PID1: variants seen among roughly 807,000 people sequenced by gnomAD.
PID1 encodes phosphotyrosine interaction domain containing 1.
PID1 carries 10 observed loss-of-function variants against 19.1 expected under a neutral mutation model. The ratio of observed to expected loss-of-function variants is 0.52; its 90% CI spans 0.32 to 0.89. The LOEUF (loss-of-function observed/expected upper bound fraction) is 0.89, where lower values mean the gene tolerates loss of function less well. Among genes scored for constraint, PID1 ranks in the 40% least tolerant of loss-of-function variants. The probability of loss-of-function intolerance (pLI) is 0.03; values close to 1 mark genes in which losing one functional copy is unlikely to be tolerated. For synonymous variants in PID1, 130 were observed against 116.0 expected (o/e 1.12, Z -0.78); for missense variants, 248 against 285.3 (o/e 0.87, Z 0.94).
intron 1 of PID1, among the ~76,000 whole-genome samples, chr2:229,169,418 A>C (rs1690665834): frequency 6.6e-6 from 1 of 152,206 alleles, no homozygotes; most frequent in Admixed American, 6.5e-5. Flanking sequence ...AAACAGGCTC[A>C]GAAGGTATGG....
chr2:229,231,739 T>C (rs1250817307), intron 1 of PID1, among the ~76,000 whole-genome samples: 1 of 152,150 alleles, frequency 6.6e-6, no homozygotes, highest in Non-Finnish European at 1.5e-5. Flanking sequence ...TTCTCTCCCA[T>C]AATCAGGTTT....
intron 1 of PID1, among the ~76,000 whole-genome samples, chr2:229,186,427 T>G (rs569694740): frequency 6.6e-6 from 1 of 152,336 alleles, no homozygotes; most frequent in East Asian, 1.9e-4. Flanking sequence ...TGCACTGCCC[T>G]AGCAGAGGTT....
intron 2 of PID1, among the ~76,000 whole-genome samples, chr2:229,131,486 C>T (rs1689739262): frequency 6.6e-6 from 1 of 152,170 alleles, no homozygotes; most frequent in Non-Finnish European, 1.5e-5. Flanking sequence ...CCATCTCAGC[C>T]TCCCGAAGTG....
intron 2 of PID1, among the ~76,000 whole-genome samples, chr2:229,034,818 G>A (rs555752041): frequency 3.3e-5 from 5 of 151,588 alleles, no homozygotes; most frequent in Admixed American, 1.3e-4. Flanking sequence ...TGATTTATTG[G>A]GCAAATAAAA....
At position 229,098,991 on chromosome 2, in the gene PID1, CCAGAGCAAACAGT is replaced by C. The variant is rs1017403251; in HGVS notation, c.177+56814_177+56826del. On this transcript the variant is annotated intron_variant, in intron 2 of 2. Transcript: ENST00000392055. ...CGGTGAAGATTTTCTCTTCCTTTTG[CCAGAGCAAACAGT>C]CAGAGGATCACGCCTGGCCAAGTGC... Among the ~76,000 whole-genome samples the C allele has an allele frequency of 2.0e-5, 3 of 152,162 alleles. No homozygotes were observed. The East Asian group carries it at 5.8e-4, about 29-fold the overall frequency.
chr2:229,056,560 A>AAT (rs1371662152), intron 2 of PID1, among the ~76,000 whole-genome samples: 3 of 67,500 alleles, frequency 4.4e-5, no homozygotes, highest in Non-Finnish European at 1.2e-4. Context: ...TTCAAAAAGT[A>AAT]AAAAAACATA....
chr2:229,237,457 G>T (rs1443846865), intron 1 of PID1, among the ~76,000 whole-genome samples: 1 of 152,090 alleles, frequency 6.6e-6, no homozygotes, highest in Non-Finnish European at 1.5e-5. Context: ...TCTCTAGAGA[G>T]AACACTGTTT....
chr2:229,084,023 T>C (rs1694717266), intron 2 of PID1, among the ~76,000 whole-genome samples: 1 of 152,234 alleles, frequency 6.6e-6, no homozygotes, highest in Non-Finnish European at 1.5e-5. Context: ...AAACATTTAC[T>C]TCAGTGAATG....
At chr2:229,262,241 T>C (rs1302194070) in intron 1 of PID1, among the ~76,000 whole-genome samples, 1 of 152,168 alleles carries the variant, frequency 6.6e-6, no homozygotes, top group East Asian at 1.9e-4. Flanking sequence ...TCAAAGTAAC[T>C]GTGTTTCACA....
chr2:229,034,958 G>A (rs1031587954), intron 2 of PID1, among the ~76,000 whole-genome samples: 1 of 152,040 alleles, frequency 6.6e-6, no homozygotes, highest in African/African-American at 2.4e-5. Flanking sequence ...CCACCAGTGA[G>A]AGAATCAGCT....
chr2:229,199,802 A>G (rs899459445), intron 1 of PID1, among the ~76,000 whole-genome samples: 1 of 149,836 alleles, frequency 6.7e-6, no homozygotes, highest in African/African-American at 2.4e-5. Flanking sequence ...ATATAACCCA[A>G]TCTATCCCAA....
Position 229,261,168 on chromosome 2 carries a change from C to G in PID1, c.30+9846G>C, listed in dbSNP as rs140221181. On this transcript the variant is annotated intron_variant, in intron 1 of 2. Transcript: ENST00000392055. ...CCAGCAGCTAGGAGAAAGCCAGGAG[C>G]TGTGTCTCCCTCACAGCCCTCAGGA... Among the ~76,000 whole-genome samples the G allele has an allele frequency of 5.1e-4, 78 of 152,264 alleles. 1 individual carries two copies. In the East Asian group the frequency reaches 0.015, roughly 29 times the overall value.
intron 1 of PID1, among the ~76,000 whole-genome samples, chr2:229,239,476 G>A (rs1188653570): frequency 6.6e-6 from 1 of 152,056 alleles, no homozygotes; most frequent in Non-Finnish European, 1.5e-5. Context: ...CAACACTAAT[G>A]CGGTGGGAGC....
chr2:229,213,041 TAAAAC>T (rs145081993), intron 1 of PID1, among the ~76,000 whole-genome samples: 1,811 of 152,118 alleles, frequency 0.012, 25 homozygotes, highest in African/African-American at 0.041. Flanking sequence ...ATTCATGAAA[TAAAAC>T]AAAGTTAACC....
intron 1 of PID1, among the ~76,000 whole-genome samples, chr2:229,193,396 CT>C (rs1490725926): frequency 6.6e-6 from 1 of 152,182 alleles, no homozygotes; most frequent in Non-Finnish European, 1.5e-5. Context: ...TGCTCTAAGG[CT>C]TGTTCTGAGC....
chr2:229,244,456 C>T (rs1689950202), intron 1 of PID1, among the ~76,000 whole-genome samples: 1 of 152,060 alleles, frequency 6.6e-6, no homozygotes, highest in African/African-American at 2.4e-5. Flanking sequence ...ATATTCATGA[C>T]CCTATTTTCC....
chr2:229,114,174 A>AAC (rs151089843), intron 2 of PID1, among the ~76,000 whole-genome samples: 7,328 of 124,590 alleles, frequency 0.059, 247 homozygotes, highest in Admixed American at 0.13. Context: ...TCTCCACACA[A>AAC]ACACACACAC....
chr2:229,229,731 T>A (rs1221538058), intron 1 of PID1, among the ~76,000 whole-genome samples: 1 of 152,240 alleles, frequency 6.6e-6, no homozygotes, highest in African/African-American at 2.4e-5. Flanking sequence ...GCAACTCAAA[T>A]GTCAGAAATC....
chr2:229,121,218 C>T (rs1244795822), intron 2 of PID1, among the ~76,000 whole-genome samples: 1 of 152,158 alleles, frequency 6.6e-6, no homozygotes, highest in Non-Finnish European at 1.5e-5. Flanking sequence ...CATACACCTG[C>T]ACATTCATCT....
Sources: allele counts gnomAD v4.1 joint callset (sites outside exome capture counted in the v4.1 genomes callset), GRCh38; gene constraint gnomAD v4.1.1; transcripts MANE v1.5; gene names NCBI Gene and HGNC (gene_info 2026-07-23, HGNC 2026-07-21).